The following IQSEC2 variants were observed in gnomAD, a reference collection of about 807,000 sequenced individuals.
IQSEC2 encodes IQ motif and Sec7 domain ArfGEF 2.
IQSEC2 carries 6 observed loss-of-function variants against 74.6 expected under a neutral mutation model. The ratio of observed to expected loss-of-function variants is 0.08; its 90% CI spans 0.04 to 0.16. The LOEUF (loss-of-function observed/expected upper bound fraction) is 0.16. Ranked by LOEUF, IQSEC2 falls within the 10% of genes least tolerant of loss-of-function variation. The pLI is 1.00. For missense variants in IQSEC2, 734 were observed against 1,306.2 expected (o/e 0.56, Z 6.75); for synonymous variants, 494 against 544.5 (o/e 0.91, Z 1.29).
At position 53,306,677 on chromosome X, in the gene IQSEC2, C is replaced by T. The variant is rs139999543; in HGVS notation, c.707+13740G>A. On this transcript the variant is annotated intron_variant, in intron 1 of 14. Transcript: ENST00000642864. ...TGTTTATCTCCTCTCTCTCCCAGGA[C>T]CCCACCATAATGAAAGTGAAGGAAT... Among the ~76,000 whole-genome samples the T allele has an allele frequency of 7.6e-3, 845 of 111,729 alleles. 9 individuals are homozygous for T. The highest frequency in any genetic ancestry group is 0.027 in the African/African-American group (815 of 30,717).
At chrX:53,280,664 C>T (rs1261263668) in intron 2 of IQSEC2, among the ~76,000 whole-genome samples, 3 of 110,568 alleles carry the variant, frequency 2.7e-5, no homozygotes, top group South Asian at 3.9e-4. Context: ...GTGCCCCCAC[C>T]ACCCCTAGTG....
intron 1 of IQSEC2, among the ~76,000 whole-genome samples, chrX:53,314,093 G>A (rs1056024699): frequency 3.6e-5 from 4 of 112,071 alleles, no homozygotes; most frequent in Admixed American, 9.4e-5. Context: ...CCTGGCACAA[G>A]TGATCCTCCC....
chrX:53,283,869 T>C (rs1556871318), intron 2 of IQSEC2, among the ~76,000 whole-genome samples: 1 of 112,286 alleles, frequency 8.9e-6, no homozygotes, highest in African/African-American at 3.2e-5. Flanking sequence ...CACCAACTAA[T>C]GCAATTCAAC....
At chrX:53,292,060 C>T (rs368025267) in intron 1 of IQSEC2, 136 bp from the exon 2 acceptor site, 15 of 500,846 alleles carry the variant, frequency 3.0e-5, no homozygotes, top group Non-Finnish European at 4.7e-5. Context: ...TTATTTCATG[C>T]GGAGAGAAGA....
chrX:53,290,366 T>C (rs1556872782), intron 2 of IQSEC2, among the ~76,000 whole-genome samples: 1 of 112,436 alleles, frequency 8.9e-6, no homozygotes, highest in African/African-American at 3.2e-5. Context: ...TCCTGAGCTC[T>C]AGGTCCCAGG....
chrX:53,278,735 A>G (rs1350217104), intron 2 of IQSEC2, among the ~76,000 whole-genome samples: 1 of 112,826 alleles, frequency 8.9e-6, no homozygotes, highest in Non-Finnish European at 1.9e-5. Flanking sequence ...AATAGTCCAT[A>G]AATTCCACTC....
At chrX:53,236,263 G>T in intron 13 of IQSEC2, 59 bp downstream of exon 13, 1 of 1,123,326 alleles carries the variant, frequency 8.9e-7, no homozygotes. Flanking sequence ...GTGACAGGAG[G>T]CAAAGAGGAC....
chrX:53,236,744 A>T (rs1428857109), intron 12 of IQSEC2, among the ~76,000 whole-genome samples: 2 of 109,657 alleles, frequency 1.8e-5, no homozygotes, highest in South Asian at 4.0e-4. Flanking sequence ...CCTTCCCTTC[A>T]TCCCTCTTGG....
At chrX:53,294,887 A>T (rs1288234483) in intron 1 of IQSEC2, among the ~76,000 whole-genome samples, 1 of 111,680 alleles carries the variant, frequency 9.0e-6, no homozygotes, top group East Asian at 2.8e-4. Flanking sequence ...CAATGGCACT[A>T]TCTTGGTTCA....
chrX:53,277,949 G>A (rs2074864009), intron 2 of IQSEC2, among the ~76,000 whole-genome samples: 1 of 108,332 alleles, frequency 9.2e-6, no homozygotes, highest in South Asian at 4.0e-4. Flanking sequence ...GGGATTACAG[G>A]CATGAGCCAC....
Position 53,321,153 on chromosome X carries a change from A to G in IQSEC2, c.-30T>C. Reference sequence around the variant, plus strand: ...GCGGCCCAGGGGCAGGGGAACGGGCAGGAGAGCCCTGTCCCCGCTCTCTCA... The same window carrying G: ...GCGGCCCAGGGGCAGGGGAACGGGCGGGAGAGCCCTGTCCCCGCTCTCTCA... On this transcript the variant is annotated 5_prime_UTR_variant, in exon 1 of 15. Coordinates refer to ENST00000642864, the MANE Select transcript of IQSEC2 (RefSeq NM_001111125.3). The G allele has an allele frequency of 4.3e-6, 4 of 938,439 alleles. No individual in the cohort carries two copies. Among genetic ancestry groups the G allele is most frequent in the Non-Finnish European group, 5.9e-6 (4 of 678,420 alleles). 77.3% of individuals were successfully genotyped at this position (938,439 alleles called of 1,213,427 possible).
rs782246578 is a variant in IQSEC2 at position 53,255,265 on chromosome X, GAGA to G, written c.1000-337_1000-335del. On this transcript the variant is annotated intron_variant, in intron 3 of 14. Transcript: ENST00000642864. ...AGGAGGAAGAAAGAGAATGAGAAAG[GAGA>G]AGGAGAGAGGGAGAGAGAAAGGCAG... is the stretch of plus-strand genomic sequence containing the variant. Among the ~76,000 whole-genome samples the G allele has an allele frequency of 5.0e-3, 561 of 111,318 alleles. 6 individuals are homozygous for G. Among genetic ancestry groups the G allele is most frequent in the African/African-American group, 0.017 (529 of 30,595 alleles).
At chrX:53,267,033 C>A in intron 2 of IQSEC2, 1 of 1,154,670 alleles carries the variant, frequency 8.7e-7, no homozygotes, top group Non-Finnish European at 1.1e-6. Context: ...TCCTCTTCCT[C>A]TTCCTCAGTC....
chrX:53,266,397 T>C (rs1556867671), intron 2 of IQSEC2: 1 of 751,769 alleles, frequency 1.3e-6, no homozygotes, highest in Admixed American at 8.9e-5. Flanking sequence ...GGCCTTTTCC[T>C]CCTGATAATA....
At chrX:53,304,661 G>C (rs2075243010) in intron 1 of IQSEC2, among the ~76,000 whole-genome samples, 1 of 111,963 alleles carries the variant, frequency 8.9e-6, no homozygotes, top group South Asian at 3.8e-4. Flanking sequence ...ACAACCAAGA[G>C]AGCCTTGAAT....
chrX:53,259,742 G>A (rs939546034), intron 2 of IQSEC2, among the ~76,000 whole-genome samples: 10 of 111,788 alleles, frequency 8.9e-5, no homozygotes, highest in Non-Finnish European at 1.5e-4. Flanking sequence ...CAAGGCTGCG[G>A]TAAGCCGTGA....
chrX:53,254,915 C>A lies in IQSEC2; in HGVS notation c.1016G>T (p.Arg339Met). Residue 339 changes from arginine to methionine, a missense_variant, in exon 4 of 15, where the codon AGG becomes ATG. By Grantham distance (91) the Arg-to-Met change is moderately conservative. Around this residue, in one of 12 missense-constraint regions of IQSEC2, gnomAD observed 17 missense variants for 60.3 expected, o/e 0.28. Transcript: ENST00000642864. Reference protein sequence around the residue: ...LQDKKVEMLERKYGGSFLSRR... With the variant: ...LQDKKVEMLEMKYGGSFLSRR... Reference sequence around the variant, plus strand: ...GCTCAGGAAGGAGCCCCCATACTTCCTCTCCAGCATTTCCACCTGGCAGAG... The same window carrying A: ...GCTCAGGAAGGAGCCCCCATACTTCATCTCCAGCATTTCCACCTGGCAGAG... 5 of 1,210,392 alleles carry A rather than the reference C, an allele frequency of 4.1e-6. No individual in the cohort carries two copies. Among genetic ancestry groups the A allele is most frequent in the Non-Finnish European group, 5.6e-6 (5 of 895,052 alleles).
intron 1 of IQSEC2, 125 bp from the exon 2 acceptor site, chrX:53,292,049 G>A: frequency 1.9e-6 from 1 of 538,181 alleles, no homozygotes; most frequent in Non-Finnish European, 3.1e-6. Context: ...GAGGGGAAGG[G>A]TTATTTCATG....
rs782370108 is a variant in IQSEC2 at position 53,248,824 on chromosome X, C to G, written c.2356G>C (p.Val786Leu). 2 of 1,211,243 alleles carry G rather than the reference C, an allele frequency of 1.7e-6. No homozygotes were observed. Among genetic ancestry groups the G allele is most frequent in the Non-Finnish European group, 1.1e-6 (1 of 895,107 alleles). ...IERGFLSDTP[V>L]GVAHFILERK... The stretch of plus-strand genomic sequence containing the variant: ...TCCAGGATGAAGTGAGCCACTCCCA[C>G]CGGTGTGTCTGACAGGAAGCCCCGC... The change falls in exon 6 of 15, where the codon GTG (valine) becomes CTG (leucine). Residue 786 changes from valine (V) to leucine (L), a missense_variant. Physicochemically the swap from Val to Leu is conservative, Grantham distance 32. Transcript: ENST00000642864.
Sources: allele counts gnomAD v4.1 joint callset (sites outside exome capture counted in the v4.1 genomes callset), GRCh38; gene constraint gnomAD v4.1.1; regional missense constraint gnomAD v4.1.1; transcripts MANE v1.5; gene names NCBI Gene and HGNC (gene_info 2026-07-23, HGNC 2026-07-21).